TLN2: variants seen among roughly 807,000 people sequenced by gnomAD.
TLN2 encodes talin 2.
TLN2 carries 118 observed loss-of-function variants against 294.7 expected under a neutral mutation model. The observed-to-expected ratio is 0.40, with a 90% confidence interval of 0.34 to 0.47. The LOEUF (loss-of-function observed/expected upper bound fraction) is 0.47. Ranked by LOEUF, TLN2 falls within the 20% of genes least tolerant of loss-of-function variation. The pLI is 0.84. For missense variants in TLN2, 3,083 were observed against 3,282.2 expected (o/e 0.94, Z 1.48); for synonymous variants, 1,431 against 1,304.5 (o/e 1.10, Z -2.09).
intron 1 of TLN2, among the ~76,000 whole-genome samples, chr15:62,490,300 T>A (rs2038638273): frequency 1.3e-5 from 2 of 152,248 alleles, no homozygotes; most frequent in African/African-American, 4.8e-5. Flanking sequence ...TGTTTATGAA[T>A]TTTTTAAAAA....
chr15:62,564,925 A>AATATATATAT (rs1555430771), intron 1 of TLN2, among the ~76,000 whole-genome samples: 23 of 80,628 alleles, frequency 2.9e-4, no homozygotes, highest in Middle Eastern at 0.013. Flanking sequence ...AAAAAAAAAA[A>AATATATATAT]ATATATATAT....
chr15:62,839,370 T>C (rs2070310127), intron 58 of TLN2, among the ~76,000 whole-genome samples: 1 of 152,256 alleles, frequency 6.6e-6, no homozygotes, highest in African/African-American at 2.4e-5. Context: ...TGAGTAGCAT[T>C]TGCCTAGATA....
intron 50 of TLN2, among the ~76,000 whole-genome samples, chr15:62,802,700 A>G (rs1238955802): frequency 6.6e-6 from 1 of 152,226 alleles, no homozygotes; most frequent in Non-Finnish European, 1.5e-5. Context: ...CCCACAGTGA[A>G]CAAGGGTTCC....
intron 1 of TLN2, among the ~76,000 whole-genome samples, chr15:62,511,673 A>C (rs1410989767): frequency 6.6e-6 from 1 of 151,532 alleles, no homozygotes; most frequent in African/African-American, 2.4e-5. Flanking sequence ...GGTATGCTTC[A>C]TGGAGTTCAC....
chr15:62,640,903 G>C (rs566816991), intron 3 of TLN2, among the ~76,000 whole-genome samples: 4 of 152,238 alleles, frequency 2.6e-5, no homozygotes, highest in African/African-American at 9.6e-5. Context: ...CCGGGTTCCA[G>C]CAATTTTCCT....
chr15:62,545,127 A>G (rs1401099692), intron 1 of TLN2, among the ~76,000 whole-genome samples: 1 of 149,494 alleles, frequency 6.7e-6, no homozygotes, highest in Non-Finnish European at 1.5e-5. Context: ...TTTAGTAGAG[A>G]CGGGGTTTCA....
rs72741203 is a variant in TLN2, at chr15:62,798,908, C to T, written c.6235-1460C>T. On this transcript the variant is annotated intron_variant, in intron 48 of 58. Coordinates refer to ENST00000636159, the MANE Select transcript of TLN2 (RefSeq NM_015059.3). ...AATTCTAAGCATTCACAAAAACCTC[C>T]GCTACAGGTGGTGGGTGCCTGTAAT... Among the ~76,000 whole-genome samples, 433 of 152,312 alleles carry T rather than the reference C, an allele frequency of 2.8e-3. 6 individuals are homozygous for T. Among genetic ancestry groups the T allele is most frequent in the African/African-American group, 9.8e-3 (409 of 41,572 alleles).
At position 62,800,375 on chromosome 15, in the gene TLN2, T is replaced by G. The variant is rs1180497910; in HGVS notation, c.6242T>G (p.Leu2081Trp). The change falls in exon 49 of 59, where the codon TTG (leucine) becomes TGG (tryptophan). Residue 2081 changes from leucine to tryptophan, a missense_variant. Leu to Trp is a moderately conservative substitution (Grantham distance 61). Transcript: ENST00000636159. ...TTCTGTGCTCTCTTTCAGGTGGTTT[T>G]GATCAATGCCATCAAAGATGTGGCC... ...GSDDPETQVV[L>W]INAIKDVAKA... is the part of the protein sequence containing the mutation. 2 of 1,613,792 alleles carry G rather than the reference T, an allele frequency of 1.2e-6. No homozygotes were observed. The highest frequency in any genetic ancestry group is 2.7e-5 in the African/African-American group (2 of 74,940).
chr15:62,470,312 C>T (rs2037395748), intron 1 of TLN2, among the ~76,000 whole-genome samples: 1 of 152,232 alleles, frequency 6.6e-6, no homozygotes, highest in African/African-American at 2.4e-5. Flanking sequence ...GACCCGGGCT[C>T]CTCAGCCAAG....
intron 29 of TLN2, among the ~76,000 whole-genome samples, chr15:62,737,756 C>T (rs185681112): frequency 6.6e-6 from 1 of 152,330 alleles, no homozygotes; most frequent in East Asian, 1.9e-4. Flanking sequence ...CCCCATGAGT[C>T]ACTGAGCAGA....
intron 1 of TLN2, among the ~76,000 whole-genome samples, chr15:62,537,532 T>A (rs2041430619): frequency 6.6e-6 from 1 of 152,204 alleles, no homozygotes; most frequent in Non-Finnish European, 1.5e-5. Context: ...GATGATCTTA[T>A]TTGATATTTA....
At chr15:62,771,704 A>C (rs902820367) in intron 42 of TLN2, among the ~76,000 whole-genome samples, 2 of 152,334 alleles carry the variant, frequency 1.3e-5, no homozygotes, top group East Asian at 3.9e-4. Context: ...GCATAGGTAG[A>C]TTTATTAAAG....
chr15:62,419,183 T>C (rs539536251), intron 1 of TLN2, among the ~76,000 whole-genome samples: 1 of 152,362 alleles, frequency 6.6e-6, no homozygotes, highest in South Asian at 2.1e-4. Context: ...CACTAATTTT[T>C]ATATTGGTTA....
At chr15:62,614,811 G>C (rs1397385842) in intron 2 of TLN2, among the ~76,000 whole-genome samples, 4 of 152,068 alleles carry the variant, frequency 2.6e-5, no homozygotes, top group Non-Finnish European at 5.9e-5. Context: ...ATTCACTCCT[G>C]TGCTGTGGGG....
chr15:62,690,434 T>C (rs1301623899), intron 12 of TLN2: 12 of 170,958 alleles, frequency 7.0e-5, no homozygotes, highest in Non-Finnish European at 1.3e-4. Context: ...GAGACGCTTC[T>C]CACTTCCTAG....
At chr15:62,701,242 T>A in intron 17 of TLN2, 28 bp downstream of exon 17, 1 of 1,548,608 alleles carries the variant, frequency 6.5e-7, no homozygotes. Flanking sequence ...TTGTGCTGCA[T>A]TGGGGTTTTG....
chr15:62,795,308 G>A (rs2065395425), intron 46 of TLN2, among the ~76,000 whole-genome samples: 1 of 152,154 alleles, frequency 6.6e-6, no homozygotes, highest in Admixed American at 6.5e-5. Flanking sequence ...GCTGGCGGGT[G>A]TGGTGAGAGC....
At chr15:62,474,146 C>G (rs370181115) in intron 1 of TLN2, among the ~76,000 whole-genome samples, 4 of 152,158 alleles carry the variant, frequency 2.6e-5, no homozygotes, top group Non-Finnish European at 5.9e-5. Flanking sequence ...TTCAGAGAGA[C>G]TTATAAAAGA....
intron 1 of TLN2, among the ~76,000 whole-genome samples, chr15:62,569,361 A>G (rs541016087): frequency 4.5e-4 from 68 of 152,332 alleles, no homozygotes; most frequent in African/African-American, 1.6e-3. Context: ...GGGAAGACCA[A>G]AGGGTCCCCT....
Sources: gnomAD v4.1 joint callset for allele counts (sites outside exome capture counted in the v4.1 genomes callset) on GRCh38, gnomAD v4.1.1 for gene constraint, MANE v1.5 for transcripts, NCBI Gene and HGNC (gene_info 2026-07-23, HGNC 2026-07-21) for gene names.